Variants in NDUFAF6 observed in about 807,000 individuals in gnomAD.
NDUFAF6 encodes NADH dehydrogenase (ubiquinone) complex I, assembly factor 6.
In NDUFAF6, 45 loss-of-function variants were observed where a neutral mutation model predicts 40.8. That is an observed-to-expected ratio of 1.10 (90% confidence interval 0.87 to 1.42). The LOEUF is 1.42. Ranked by LOEUF, NDUFAF6 falls within the 40% of genes most tolerant of loss-of-function variation. The pLI is 0.00. For synonymous variants in NDUFAF6, 185 were observed against 155.9 expected, an observed-to-expected ratio of 1.19 and a Z score of -1.39; for missense variants, 435 against 418.5, an observed-to-expected ratio of 1.04 and a Z score of -0.34.
In NDUFAF6 at chr8:94,913,861, A is replaced by AGCTCACTG. The variant is rs757103991; in HGVS notation, c.-936+17935_-936+17942dup. 1.0e-3 allele frequency among the ~76,000 whole-genome samples: 157 copies of AGCTCACTG among 152,200 alleles called. 1 individual carries two copies. Among genetic ancestry groups the AGCTCACTG allele is most frequent in the Non-Finnish European group, 1.6e-3 (111 of 68,012 alleles). Reference sequence around the variant, plus strand: ...GGCTGGAGTGCTGTGGCGCGATCTCAGCTCACTGCAGCCTCTGCCTCCTGA... The same window carrying AGCTCACTG: ...GGCTGGAGTGCTGTGGCGCGATCTCAGCTCACTGGCTCACTGCAGCCTCTGCCTCCTGA... On this transcript the variant is annotated intron_variant, in intron 1 of 14. Coordinates refer to the NDUFAF6 transcript ENST00000396113.
intron 1 of NDUFAF6, among the ~76,000 whole-genome samples, chr8:94,898,309 ACATTTAGATGT>A (rs1302822921): frequency 6.6e-6 from 1 of 152,228 alleles, no homozygotes; most frequent in Non-Finnish European, 1.5e-5. Flanking sequence ...GATACCCATC[ACATTTAGATGT>A]CATGTCTTAG....
chr8:94,930,779 C>G (rs1820319999), intron 1 of NDUFAF6: 1 of 1,577,542 alleles, frequency 6.3e-7, no homozygotes, highest in African/African-American at 1.4e-5. Context: ...ATGTTATTAA[C>G]AAAACTGGAA....
intron 2 of NDUFAF6, among the ~76,000 whole-genome samples, chr8:94,995,326 A>G (rs1826377023): frequency 6.6e-6 from 1 of 152,236 alleles, no homozygotes; most frequent in South Asian, 2.1e-4. Flanking sequence ...AGGAGGGGCA[A>G]TTAGTGTTTA....
upstream of NDUFAF6, among the ~76,000 whole-genome samples, chr8:95,021,025 C>G (rs1827671940): frequency 6.6e-6 from 1 of 152,208 alleles, no homozygotes; most frequent in African/African-American, 2.4e-5. Context: ...AACCCCAAAT[C>G]TCAGGAAAGC....
At chr8:95,018,548 C>A (rs558513794) in intron 2 of NDUFAF6, among the ~76,000 whole-genome samples, 37 of 148,320 alleles carry the variant, frequency 2.5e-4, no homozygotes, top group Admixed American at 1.1e-3. Flanking sequence ...AAGGTGCTCC[C>A]AATCTGTTTT....
At chr8:94,919,192 T>C (rs1349872590) in intron 1 of NDUFAF6, among the ~76,000 whole-genome samples, 1 of 152,116 alleles carries the variant, frequency 6.6e-6, no homozygotes, top group Non-Finnish European at 1.5e-5. Context: ...CTTTTTTTTT[T>C]CCTTTTTTAG....
intron 2 of NDUFAF6, among the ~76,000 whole-genome samples, chr8:95,035,070 G>A (rs1031149243): frequency 2.2e-4 from 33 of 151,876 alleles, no homozygotes; most frequent in Admixed American, 6.6e-5. Flanking sequence ...TAGTAGAGAC[G>A]GGGTTTCATC....
At chr8:95,091,906 T>A (rs1022860071) in intron 2 of NDUFAF6, among the ~76,000 whole-genome samples, 2 of 142,234 alleles carry the variant, frequency 1.4e-5, no homozygotes, top group African/African-American at 5.4e-5. Flanking sequence ...GCACCAGGAC[T>A]TTTCCTGTTT....
At chr8:95,003,187 T>C (rs1826812887) in intron 2 of NDUFAF6, among the ~76,000 whole-genome samples, 2 of 151,976 alleles carry the variant, frequency 1.3e-5, no homozygotes, top group African/African-American at 4.8e-5. Context: ...AGGTTGCAAC[T>C]GGTACCAAAG....
At chr8:95,090,150 G>GGC (rs10674150) in intron 2 of NDUFAF6, among the ~76,000 whole-genome samples, 1 of 151,838 alleles carries the variant, frequency 6.6e-6, no homozygotes, top group African/African-American at 2.4e-5. Context: ...GATTATGTCT[G>GGC]TCTATTCGGT....
chr8:95,053,916 C>T (rs189264427), intron 8 of NDUFAF6, among the ~76,000 whole-genome samples: 2,365 of 138,428 alleles, frequency 0.017, 76 homozygotes, highest in African/African-American at 0.057. Context: ...TGTGAGCCAC[C>T]GTGCCCGGCT....
chr8:95,084,680 A>T (rs1283504123), intron 2 of NDUFAF6, among the ~76,000 whole-genome samples: 1 of 152,242 alleles, frequency 6.6e-6, no homozygotes, highest in Non-Finnish European at 1.5e-5. Flanking sequence ...GGACTCAAAC[A>T]TGGAGAGACT....
intron 1 of NDUFAF6, among the ~76,000 whole-genome samples, chr8:94,916,807 A>C (rs1819153107): frequency 9.8e-6 from 1 of 101,890 alleles, no homozygotes; most frequent in Non-Finnish European, 1.9e-5. Flanking sequence ...ACAGAGTGAG[A>C]CTCCATATCA....
At chr8:94,932,664 G>T (rs1436146268) in intron 1 of NDUFAF6, among the ~76,000 whole-genome samples, 1 of 152,040 alleles carries the variant, frequency 6.6e-6, no homozygotes, top group Non-Finnish European at 1.5e-5. Context: ...TTAGCTGGGT[G>T]CGGTGGCGGG....
chr8:94,999,904 G>A (rs1443021373), intron 2 of NDUFAF6, among the ~76,000 whole-genome samples: 1 of 152,068 alleles, frequency 6.6e-6, no homozygotes, highest in Non-Finnish European at 1.5e-5. Context: ...AGAAGATATT[G>A]ACAGGAATCA....
At chr8:95,042,865 G>A (rs1830294730) in intron 4 of NDUFAF6, among the ~76,000 whole-genome samples, 2 of 152,164 alleles carry the variant, frequency 1.3e-5, no homozygotes, top group South Asian at 4.1e-4. Context: ...TGACAAGGGT[G>A]TCAAGACACT....
intron 7 of NDUFAF6, among the ~76,000 whole-genome samples, chr8:95,049,190 T>TA (rs1333841831): frequency 6.6e-6 from 1 of 152,196 alleles, no homozygotes; most frequent in South Asian, 2.1e-4. Context: ...AATGGTCATT[T>TA]ACAACTCGTT....
intron 2 of NDUFAF6, among the ~76,000 whole-genome samples, chr8:95,034,434 C>T (rs538490331): frequency 6.6e-6 from 1 of 152,134 alleles, no homozygotes; most frequent in East Asian, 1.9e-4. Context: ...CATTTTTTCC[C>T]CCTTCTGTAT....
intron 2 of NDUFAF6, among the ~76,000 whole-genome samples, chr8:94,984,404 T>C (rs1185518686): frequency 6.6e-6 from 1 of 152,232 alleles, no homozygotes; most frequent in Non-Finnish European, 1.5e-5. Context: ...GTATATATAT[T>C]ACAAATAGCA....
Sources: gnomAD v4.1 joint callset for allele counts (sites outside exome capture counted in the v4.1 genomes callset) on GRCh38, gnomAD v4.1.1 for gene constraint, MANE v1.5 for transcripts, NCBI Gene and HGNC (gene_info 2026-07-23, HGNC 2026-07-21) for gene names.